Variants in SUPT3H observed in about 807,000 individuals in gnomAD.
SUPT3H encodes SPT3 homolog, SAGA and STAGA complex component.
Under a neutral mutation model 44.3 loss-of-function variants are expected in SUPT3H, and 44 were observed. The observed-to-expected ratio is 0.99, with a 90% CI of 0.78 to 1.28. The LOEUF is 1.28. SUPT3H is among the 50% of genes most tolerant of loss of function. The probability of loss-of-function intolerance (pLI) is 0.00; values close to 1 mark genes in which losing one functional copy is unlikely to be tolerated. For missense variants in SUPT3H, 380 were observed against 387.1 expected, an observed-to-expected ratio of 0.98 and a Z score of 0.15; for synonymous variants, 124 against 125.6, an observed-to-expected ratio of 0.99 and a Z score of 0.09.
chr6:45,131,600 T>A (rs2153584527), intron 2 of SUPT3H, among the ~76,000 whole-genome samples: 1 of 152,368 alleles, frequency 6.6e-6, no homozygotes, highest in South Asian at 2.1e-4. Context: ...TGTTACCATA[T>A]AAGCCAAAGC....
At chr6:45,106,852 A>G (rs1274826402) in intron 2 of SUPT3H, among the ~76,000 whole-genome samples, 1 of 152,154 alleles carries the variant, frequency 6.6e-6, no homozygotes, top group Non-Finnish European at 1.5e-5. Flanking sequence ...GTATTTTTTA[A>G]AGGGAATTTA....
At chr6:45,141,177 T>C (rs1805114013) in intron 2 of SUPT3H, among the ~76,000 whole-genome samples, 2 of 151,512 alleles carry the variant, frequency 1.3e-5, no homozygotes, top group Non-Finnish European at 2.9e-5. Context: ...CCATCTCTAC[T>C]AAAATTATAA....
intron 3 of SUPT3H, among the ~76,000 whole-genome samples, chr6:45,087,324 A>G (rs1248036584): frequency 2.6e-5 from 4 of 151,930 alleles, no homozygotes; most frequent in Admixed American, 6.6e-5. Context: ...AAGTTATTAA[A>G]AGTTAAAATG....
intron 9 of SUPT3H, among the ~76,000 whole-genome samples, chr6:44,948,631 C>T (rs1434519147): frequency 6.6e-6 from 1 of 152,196 alleles, no homozygotes; most frequent in Admixed American, 6.5e-5. Flanking sequence ...CCAAAAAACA[C>T]ATGGAAAAAT....
At chr6:45,054,388 T>C (rs948769826) in intron 3 of SUPT3H, among the ~76,000 whole-genome samples, 1 of 152,144 alleles carries the variant, frequency 6.6e-6, no homozygotes, top group African/African-American at 2.4e-5. Flanking sequence ...TCTCTCCAGT[T>C]TATTACTATT....
At position 44,971,616 on chromosome 6, in the gene SUPT3H, C is replaced by T. The variant is rs561592050; in HGVS notation, c.505-9788G>A. ...TCAATGACCTCCCAATGGGTCCTTC[C>T]CATGACACATGGGGATTATGGGAAC... is the stretch of plus-strand genomic sequence containing the variant. On this transcript the variant is annotated intron_variant, in intron 6 of 10. Transcript: ENST00000371459. Among the ~76,000 whole-genome samples, 119 of 152,266 alleles carry T rather than the reference C, an allele frequency of 7.8e-4. 2 individuals are homozygous for T. In the South Asian group the frequency reaches 0.022, roughly 28 times the overall value.
chr6:44,918,192 C>G (rs888985405), intron 10 of SUPT3H, among the ~76,000 whole-genome samples: 9 of 152,264 alleles, frequency 5.9e-5, no homozygotes, highest in African/African-American at 1.9e-4. Context: ...GCTAAGCCAC[C>G]TGGTTTTCTC....
At chr6:45,011,283 C>A (rs1457205493) in intron 5 of SUPT3H, among the ~76,000 whole-genome samples, 3 of 151,982 alleles carry the variant, frequency 2.0e-5, no homozygotes, top group Non-Finnish European at 2.9e-5. Context: ...TGGTGGAATT[C>A]AACAGTGAAA....
intron 2 of SUPT3H, among the ~76,000 whole-genome samples, chr6:45,112,541 T>C (rs1583604169): frequency 6.6e-6 from 1 of 152,096 alleles, no homozygotes; most frequent in African/African-American, 2.4e-5. Flanking sequence ...TGATTAAGAA[T>C]AGAGGGGAAG....
At chr6:44,940,743 C>T (rs565877159) in intron 9 of SUPT3H, among the ~76,000 whole-genome samples, 40 of 152,146 alleles carry the variant, frequency 2.6e-4, no homozygotes, top group Non-Finnish European at 1.2e-4. Flanking sequence ...CTGAGCCTTC[C>T]GGTGTTGGGT....
intron 3 of SUPT3H, among the ~76,000 whole-genome samples, chr6:45,078,167 C>T (rs1351948631): frequency 6.6e-6 from 1 of 152,144 alleles, no homozygotes; most frequent in Non-Finnish European, 1.5e-5. Context: ...GCCACCATGT[C>T]CAGTCCTCCG....
intron 10 of SUPT3H, among the ~76,000 whole-genome samples, chr6:44,932,151 A>G (rs552124639): frequency 6.6e-6 from 1 of 152,286 alleles, no homozygotes; most frequent in Admixed American, 6.5e-5. Flanking sequence ...CATTAAAACA[A>G]CACAAAACCC....
In SUPT3H at chr6:45,064,808, A is replaced by G. The variant is rs1040872996; in HGVS notation, c.186+41114T>C. Reference sequence around the variant, plus strand: ...AATACAGGAGCACGCAGATTCATAAAGCAAGTCCTGAGTGACCTACAAAGA... The same window carrying G: ...AATACAGGAGCACGCAGATTCATAAGGCAAGTCCTGAGTGACCTACAAAGA... On this transcript the variant is annotated intron_variant, in intron 3 of 10. Coordinates refer to ENST00000371459, the MANE Select transcript of SUPT3H (RefSeq NM_003599.4). Among the ~76,000 whole-genome samples, 368 of 148,868 alleles carry G rather than the reference A, an allele frequency of 2.5e-3. 11 individuals carry two copies. Among genetic ancestry groups the G allele is most frequent in the African/African-American group, 8.3e-3 (331 of 40,006 alleles).
intron 2 of SUPT3H, among the ~76,000 whole-genome samples, chr6:45,227,888 G>A (rs1442407845): frequency 6.6e-6 from 1 of 152,042 alleles, no homozygotes; most frequent in Non-Finnish European, 1.5e-5. Context: ...AGCTTGCTGA[G>A]AGTGAGGAAT....
chr6:45,201,853 C>G (rs1038433791), intron 2 of SUPT3H, among the ~76,000 whole-genome samples: 27 of 151,788 alleles, frequency 1.8e-4, no homozygotes, highest in African/African-American at 6.5e-4. Flanking sequence ...ACCAAACTAC[C>G]TTATGCTTAG....
In SUPT3H at chr6:45,279,824, T is replaced by C. The variant is rs145791088; in HGVS notation, c.101+85377A>G. Among the ~76,000 whole-genome samples the C allele has an allele frequency of 8.1e-3, 1,240 of 152,260 alleles. 53 individuals carry two copies. Among genetic ancestry groups the C allele is most frequent in the Admixed American group, 0.076 (1,163 of 15,288 alleles). ...AGAGCTGTTATATCCGGTCCAGAAA[T>C]CTCTCCAGACTCACATCCAATAGCC... On this transcript the variant is annotated intron_variant, in intron 2 of 10. Coordinates refer to ENST00000371459, the MANE Select transcript of SUPT3H (RefSeq NM_003599.4).
intron 10 of SUPT3H, among the ~76,000 whole-genome samples, chr6:44,889,375 G>C (rs1762889070): frequency 6.6e-6 from 1 of 152,068 alleles, no homozygotes; most frequent in African/African-American, 2.4e-5. Context: ...TATACTACAA[G>C]GCTACAGTAA....
At chr6:45,122,043 A>C (rs1008767662) in intron 2 of SUPT3H, among the ~76,000 whole-genome samples, 1 of 152,046 alleles carries the variant, frequency 6.6e-6, no homozygotes, top group Non-Finnish European at 1.5e-5. Flanking sequence ...AAAAACAAAA[A>C]AAAAAGAAAA....
chr6:45,337,544 A>G (rs1788838312), intron 2 of SUPT3H, among the ~76,000 whole-genome samples: 1 of 151,850 alleles, frequency 6.6e-6, no homozygotes, highest in Admixed American at 6.6e-5. Flanking sequence ...TTGCTACGCC[A>G]TAATGATCTG....
Sources: allele counts gnomAD v4.1 joint callset (sites outside exome capture counted in the v4.1 genomes callset), GRCh38; gene constraint gnomAD v4.1.1; transcripts MANE v1.5; gene names NCBI Gene and HGNC (gene_info 2026-07-23, HGNC 2026-07-21).